ZNF16: variants seen among roughly 807,000 people sequenced by gnomAD.
The protein encoded by ZNF16 is zinc finger protein KOX9.
ZNF16 carries 7 observed loss-of-function variants against 9.0 expected under a neutral mutation model. That is an observed-to-expected ratio of 0.78 (90% CI 0.44 to 1.47). ZNF16 has a LOEUF of 1.47. Among genes scored for constraint, ZNF16 ranks in the 40% most tolerant of loss-of-function variants. The probability of loss-of-function intolerance (pLI) is 0.01; values close to 1 mark genes in which losing one functional copy is unlikely to be tolerated. For synonymous variants in ZNF16, 312 were observed against 301.5 expected, an observed-to-expected ratio of 1.03 and a Z score of -0.36; for missense variants, 830 against 854.2, an observed-to-expected ratio of 0.97 and a Z score of 0.35.
rs149447570 is a variant in ZNF16, at chr8:144,931,109, G to C, written c.1678C>G (p.Leu560Val). Residue 560 changes from leucine to valine, a missense_variant, in exon 3 of 3, where the codon CTC (leucine) becomes GTC (valine). Physicochemically the swap from Leu to Val is conservative, Grantham distance 32. Transcript: ENST00000394909. ...CGKTFSQSST[L>V]IQHQRIHNGL... Reference sequence around the variant, plus strand: ...TTATGAATCCTCTGATGCTGAATGAGGGTTGAGCTCTGGCTGAAGGTTTTT... The same window carrying C: ...TTATGAATCCTCTGATGCTGAATGACGGTTGAGCTCTGGCTGAAGGTTTTT... The C allele has an allele frequency of 6.2e-7, 1 of 1,614,120 alleles. No homozygotes were observed. Among genetic ancestry groups the C allele is most frequent in the African/African-American group, 1.3e-5 (1 of 74,940 alleles).
At chr8:144,945,978 A>G in intron 2 of ZNF16, 33 bp downstream of exon 2, 1 of 1,610,636 alleles carries the variant, frequency 6.2e-7, no homozygotes, top group African/African-American at 1.3e-5. Flanking sequence ...TCCCCAGAAT[A>G]AGGGCACCAG....
At chr8:144,940,232 C>T (rs1833769410) in intron 2 of ZNF16, among the ~76,000 whole-genome samples, 1 of 152,098 alleles carries the variant, frequency 6.6e-6, no homozygotes, top group South Asian at 2.1e-4. Context: ...GCACAAGCAA[C>T]CACGCCCAGC....
chr8:144,942,825 G>A (rs1833837248), intron 2 of ZNF16, among the ~76,000 whole-genome samples: 1 of 152,162 alleles, frequency 6.6e-6, no homozygotes, highest in Non-Finnish European at 1.5e-5. Context: ...TAGGAAATAT[G>A]TAATGGCAAA....
Position 144,931,471 on chromosome 8 carries a change from C to T in ZNF16, c.1316G>A (p.Gly439Glu), listed in dbSNP as rs1833538227. 3 of 1,614,168 alleles carry T rather than the reference C, an allele frequency of 1.9e-6. No homozygotes were observed. The highest frequency in any genetic ancestry group is 2.5e-6 in the Non-Finnish European group (3 of 1,180,010). ...GCTGGAGCTCTGACTAAATGCTTTC[C>T]CACAGTCACTGCACTTATAGGGCTT... ...GEKPYKCSDC[G>E]KAFSQSSSLI... Residue 439 changes from glycine (G) to glutamate (E), a missense_variant, in exon 3 of 3, where the codon GGG becomes GAG. By Grantham distance (98) the Gly-to-Glu change is moderately conservative (BLOSUM62 -2). Coordinates refer to ENST00000394909, the MANE Select transcript of ZNF16 (RefSeq NM_006958.3).
chr8:144,942,131 C>A (rs929141243), intron 2 of ZNF16, among the ~76,000 whole-genome samples: 2 of 150,726 alleles, frequency 1.3e-5, no homozygotes, highest in African/African-American at 4.9e-5. Flanking sequence ...GTGCCCACCA[C>A]CTTGCCTGGC....
At chr8:144,943,192 A>G (rs1833845162) in intron 2 of ZNF16, among the ~76,000 whole-genome samples, 1 of 152,144 alleles carries the variant, frequency 6.6e-6, no homozygotes, top group African/African-American at 2.4e-5. Flanking sequence ...TCTGACCTCC[A>G]TGGGTTCTGA....
chr8:144,943,576 G>C (rs1334533132), intron 2 of ZNF16, among the ~76,000 whole-genome samples: 2 of 151,780 alleles, frequency 1.3e-5, no homozygotes, highest in Admixed American at 1.3e-4. Context: ...CTGGAGTACA[G>C]TGGCACGATT....
intron 1 of ZNF16, among the ~76,000 whole-genome samples, chr8:144,949,803 TC>T (rs1834050255): frequency 6.6e-6 from 1 of 152,148 alleles, no homozygotes; most frequent in Non-Finnish European, 1.5e-5. Context: ...CCAAGATTTG[TC>T]CCCATGTGAT....
Position 144,931,807 on chromosome 8 carries a change from C to T in ZNF16, c.980G>A (p.Gly327Glu). Residue 327 changes from glycine (G) to glutamate (E), a missense_variant, in exon 3 of 3, where the codon GGG (glycine) becomes GAG (glutamate). Physicochemically the swap from Gly to Glu is moderately conservative, Grantham distance 98 (BLOSUM62 -2). Transcript: ENST00000394909. Reference protein sequence around the residue: ...SEKPYECNECGKAFRRSSNLI... With the variant: ...SEKPYECNECEKAFRRSSNLI... ...GTTTGAGCTCCGCCTAAAAGCCTTCCCACATTCATTGCATTCATAGGGCTT... is the reference window on the plus strand; with the variant it reads ...GTTTGAGCTCCGCCTAAAAGCCTTCTCACATTCATTGCATTCATAGGGCTT... 2 of 1,614,174 alleles carry T rather than the reference C, an allele frequency of 1.2e-6. No individual in the cohort carries two copies. Among genetic ancestry groups the T allele is most frequent in the Non-Finnish European group, 1.7e-6 (2 of 1,180,016 alleles).
In ZNF16 at chr8:144,930,940, AGGTGT is replaced by A; in HGVS notation, c.1842_1846del (p.Leu616SerfsTer16). The A allele has an allele frequency of 6.2e-7, 1 of 1,613,392 alleles. No individual in the cohort carries two copies. Among genetic ancestry groups the A allele is most frequent in the Non-Finnish European group, 8.5e-7 (1 of 1,179,676 alleles). On this transcript the variant is annotated frameshift_variant, in exon 3 of 3. Transcript: ENST00000394909. LOFTEE classifies it high-confidence loss of function. ...CGTGTGGATTATCTGATGCTGAATGAGGTGTGAGCTCTGGCTGAAGCCCTTACCAC... is the reference window on the plus strand; with the variant it reads ...CGTGTGGATTATCTGATGCTGAATGAGAGCTCTGGCTGAAGCCCTTACCAC...
rs1834101818 is a variant in ZNF16, at chr8:144,950,875, T to A, written c.-88A>T. ...GCCAACGCCGGCTGACCCCCGGAAG[T>A]CCCGCCCCGAATTCCGGCCCGCCGC... On this transcript the variant is annotated 5_prime_UTR_variant, in exon 1 of 3. Coordinates refer to ENST00000394909, the MANE Select transcript of ZNF16 (RefSeq NM_006958.3). 1.3e-5 allele frequency: 2 copies of A among 152,080 alleles called. No homozygotes were observed. Among genetic ancestry groups the A allele is most frequent in the South Asian group, 4.2e-4 (2 of 4,816 alleles). 9.4% of individuals were successfully genotyped at this position (152,080 alleles called of 1,614,324 possible).
chr8:144,930,644 C>G lies in ZNF16; in HGVS notation c.*94G>C. On this transcript the variant is annotated 3_prime_UTR_variant, in exon 3 of 3. Coordinates refer to ENST00000394909, the MANE Select transcript of ZNF16 (RefSeq NM_006958.3). Reference sequence around the variant, plus strand: ...ATGTAGGCAGTGAGCTGAGTCCAGGCTTTCGGTCTGGGAAGTGGCAGAGGC... The same window carrying G: ...ATGTAGGCAGTGAGCTGAGTCCAGGGTTTCGGTCTGGGAAGTGGCAGAGGC... The G allele has an allele frequency of 7.1e-7, 1 of 1,416,266 alleles. No homozygotes were observed. The highest frequency in any genetic ancestry group is 9.4e-7 in the Non-Finnish European group (1 of 1,058,218). 87.7% of individuals were successfully genotyped at this position (1,416,266 alleles called of 1,614,324 possible).
intron 1 of ZNF16, among the ~76,000 whole-genome samples, chr8:144,946,621 GCT>G (rs1833945955): frequency 2.5e-5 from 3 of 118,352 alleles, no homozygotes; most frequent in African/African-American, 1.1e-4. Flanking sequence ...CTTGTGTCCT[GCT>G]GTTGGGCCTG....
chr8:144,947,356 G>GGGGCCTGTATCCTGCTGT (rs1310157508), intron 1 of ZNF16, among the ~76,000 whole-genome samples: 1 of 126,102 alleles, frequency 7.9e-6, no homozygotes, highest in African/African-American at 3.5e-5. Context: ...GTCCTGTTGT[G>GGGGCCTGTATCCTGCTGT]GGGCCTGTAT....
At chr8:144,940,872 G>C (rs1348913765) in intron 2 of ZNF16, among the ~76,000 whole-genome samples, 1 of 152,192 alleles carries the variant, frequency 6.6e-6, no homozygotes, top group African/African-American at 2.4e-5. Flanking sequence ...GTATTCACAT[G>C]GTAGAAGGGC....
intron 2 of ZNF16, among the ~76,000 whole-genome samples, chr8:144,941,271 T>C (rs1331244850): frequency 1.3e-5 from 2 of 152,190 alleles, no homozygotes; most frequent in African/African-American, 4.8e-5. Context: ...CTGCTTATAA[T>C]TGCCATATCT....
At chr8:144,948,691 A>G (rs1327595210) in intron 1 of ZNF16, among the ~76,000 whole-genome samples, 1 of 152,170 alleles carries the variant, frequency 6.6e-6, no homozygotes, top group African/African-American at 2.4e-5. Flanking sequence ...TTACACAGCA[A>G]ATATATAAAC....
At chr8:144,937,688 T>A (rs1451986222) in intron 2 of ZNF16, among the ~76,000 whole-genome samples, 1 of 152,210 alleles carries the variant, frequency 6.6e-6, no homozygotes, top group Non-Finnish European at 1.5e-5. Context: ...TCACCTTCAC[T>A]CATTTTTTGG....
At chr8:144,934,293 C>T (rs1414478721) in intron 2 of ZNF16, among the ~76,000 whole-genome samples, 4 of 152,254 alleles carry the variant, frequency 2.6e-5, no homozygotes, top group Admixed American at 2.6e-4. Flanking sequence ...AGCCAGAACA[C>T]CCTCTTGCAG....
Sources: gnomAD v4.1 joint callset for allele counts (sites outside exome capture counted in the v4.1 genomes callset) on GRCh38, gnomAD v4.1.1 for gene constraint, MANE v1.5 for transcripts, NCBI Gene and HGNC (gene_info 2026-07-23, HGNC 2026-07-21) for gene names.